The following PGF variants were observed in gnomAD, a reference collection of about 807,000 sequenced individuals.
The protein encoded by PGF is placenta growth factor.
Under a neutral mutation model 25.3 loss-of-function variants are expected in PGF, and 11 were observed. That is an observed-to-expected ratio of 0.43 (90% CI 0.27 to 0.72). The LOEUF (loss-of-function observed/expected upper bound fraction) is 0.72, where lower values mean the gene tolerates loss of function less well. PGF is among the 30% of genes least tolerant of loss of function. The pLI, the probability that PGF is intolerant of heterozygous loss-of-function variation, is 0.18. For missense variants in PGF, 230 were observed against 234.9 expected, an observed-to-expected ratio of 0.98 and a Z score of 0.14; for synonymous variants, 105 against 97.9, an observed-to-expected ratio of 1.07 and a Z score of -0.43.
Position 74,953,522 on chromosome 14 carries a change from T to G in PGF, c.118+382A>C, listed in dbSNP as rs749110851. On this transcript the variant is annotated intron_variant, in intron 2 of 6. Transcript: ENST00000555567. The surrounding 1 kb of genome is among the most constrained non-coding windows in gnomAD (Gnocchi z 5.4). Reference sequence around the variant, plus strand: ...GGGAGGGCCCCTCACCCATTCCTGATCCTCTTGACTGCCCACTGCATTCAG... The same window carrying G: ...GGGAGGGCCCCTCACCCATTCCTGAGCCTCTTGACTGCCCACTGCATTCAG... Among the ~76,000 whole-genome samples, 7 of 152,020 alleles carry G rather than the reference T, an allele frequency of 4.6e-5. No individual in the cohort carries two copies. Among genetic ancestry groups the G allele is most frequent in the Non-Finnish European group, 7.4e-5 (5 of 67,978 alleles).
At position 74,949,471 on chromosome 14, in the gene PGF, G is replaced by A. The variant is rs182964987; in HGVS notation, c.201C>T (p.Ser67=). The A allele has an allele frequency of 1.3e-5, 21 of 1,612,044 alleles. No homozygotes were observed. The highest frequency in any genetic ancestry group is 1.1e-4 in the East Asian group (5 of 44,736). Residue 67 remains serine, a synonymous_variant, in exon 3 of 7, where the codon AGC becomes AGT. Coordinates refer to ENST00000555567, the MANE Select transcript of PGF (RefSeq NM_002632.6). The part of the protein sequence containing the change: ...RLVDVVSEYP[S]EVEHMFSPSC... Reference sequence around the variant, plus strand: ...ATGGGCTGAACATGTGCTCCACCTCGCTGGGGTACTCGGACACGACGTCCA... The same window carrying A: ...ATGGGCTGAACATGTGCTCCACCTCACTGGGGTACTCGGACACGACGTCCA...
rs1015471429 is a variant in PGF at position 74,942,853 on chromosome 14, G to A, written c.486-120C>T. 6.4e-4 allele frequency: 538 copies of A among 843,922 alleles called. 1 individual carries two copies. The highest frequency in any genetic ancestry group is 1.4e-4 in the East Asian group (5 of 35,154). 52.3% of individuals were successfully genotyped at this position (843,922 alleles called of 1,614,324 possible). ...CTTGGGCAGGGAGCATGGGGAGGGCGCAGTGCTCCTGGGTCCCTGCTTGCT... is the reference window on the plus strand; with the variant it reads ...CTTGGGCAGGGAGCATGGGGAGGGCACAGTGCTCCTGGGTCCCTGCTTGCT... On this transcript the variant is annotated intron_variant, in intron 6 of 6. Coordinates refer to ENST00000555567, the MANE Select transcript of PGF (RefSeq NM_002632.6).
chr14:74,955,142 C>A lies in PGF; in HGVS notation c.75+26G>T. On this transcript the variant is annotated intron_variant, in intron 1 of 6. Coordinates refer to ENST00000555567, the MANE Select transcript of PGF (RefSeq NM_002632.6). The surrounding 1 kb of genome is among the most constrained non-coding windows in gnomAD (Gnocchi z 4.1). Reference sequence around the variant, plus strand: ...TGCTGGGATGGGGAGGTCTGGGGAGCCAGGCTAGGTGGGGGTAGCTCTTAC... The same window carrying A: ...TGCTGGGATGGGGAGGTCTGGGGAGACAGGCTAGGTGGGGGTAGCTCTTAC... 7.3e-7 allele frequency: 1 copy of A among 1,377,854 alleles called. No individual in the cohort carries two copies. The highest frequency in any genetic ancestry group is 3.0e-5 in the East Asian group (1 of 33,894). 85.4% of individuals were successfully genotyped at this position (1,377,854 alleles called of 1,614,324 possible). A position where few individuals can be genotyped will look rare whatever the true frequency, so the allele number is the denominator to read the frequency against.
rs774160441 is a variant in PGF, at chr14:74,949,515, G to A, written c.157C>T (p.Arg53Trp). The A allele has an allele frequency of 6.9e-6, 11 of 1,598,706 alleles. No homozygotes were observed. The highest frequency in any genetic ancestry group is 3.4e-5 in the South Asian group (3 of 88,716). ...FQEVWGRSYC[R>W]ALERLVDVVS... ...ACGTCCACCAGCCTCTCCAGCGCCC[G>A]GCAGTAGCTGCGGCCCCACACTTCC... The change falls in exon 3 of 7, where the codon CGG becomes TGG. Residue 53 changes from arginine to tryptophan, a missense_variant. Transcript: ENST00000555567.
At chr14:74,947,135 C>T (rs189082658) in intron 4 of PGF, 125 of 465,200 alleles carry the variant, frequency 2.7e-4, no homozygotes, top group Non-Finnish European at 4.4e-4. Context: ...GTACCAGGGC[C>T]TCTTGGGACT....
chr14:74,948,842 A>G (rs932089570), intron 3 of PGF, among the ~76,000 whole-genome samples: 3 of 152,096 alleles, frequency 2.0e-5, no homozygotes, highest in Admixed American at 2.0e-4. Flanking sequence ...AGTCAGAGAG[A>G]CCCGTGTTCA....
At position 74,950,023 on chromosome 14, in the gene PGF, G is replaced by C. The variant is rs553172916; in HGVS notation, c.119-470C>G. 6.6e-6 allele frequency among the ~76,000 whole-genome samples: 1 copy of C among 152,218 alleles called. No homozygotes were observed. Among genetic ancestry groups the C allele is most frequent in the African/African-American group, 2.4e-5 (1 of 41,540 alleles). On this transcript the variant is annotated intron_variant, in intron 2 of 6. Transcript: ENST00000555567. The surrounding 1 kb of genome is among the most constrained non-coding windows in gnomAD (Gnocchi z 4.1). Reference sequence around the variant, plus strand: ...TCATTTCCTGCCCCACTCTGTGCCAGCTCCTCTGCCTGGCAACCAAGACCA... The same window carrying C: ...TCATTTCCTGCCCCACTCTGTGCCACCTCCTCTGCCTGGCAACCAAGACCA...
In PGF at chr14:74,946,243, C is replaced by T; in HGVS notation, c.455G>A (p.Arg152Lys). 6.2e-7 allele frequency: 1 copy of T among 1,614,172 alleles called. No homozygotes were observed. The part of the protein sequence containing the change: ...RRPKGRGKRR[R>K]EKQRPTDCHL... ...GCAGTCTGTGGGTCTCTGCTTCTCTCTCCTCCTCTTCCCCCTGCCCTTGGG... is the reference window on the plus strand; with the variant it reads ...GCAGTCTGTGGGTCTCTGCTTCTCTTTCCTCCTCTTCCCCCTGCCCTTGGG... The change falls in exon 6 of 7, where the codon AGA becomes AAA. Residue 152 changes from arginine to lysine, a missense_variant. Physicochemically the swap from Arg to Lys is conservative, Grantham distance 26. Coordinates refer to ENST00000555567, the MANE Select transcript of PGF (RefSeq NM_002632.6).
intron 6 of PGF, 86 bp from the exon 7 acceptor site, chr14:74,942,819 G>A: frequency 7.5e-7 from 1 of 1,325,992 alleles, no homozygotes; most frequent in Non-Finnish European, 1.0e-6. Flanking sequence ...GGCAGGCCCA[G>A]AGGAGGAGCT....
chr14:74,955,263 A>AG lies in PGF; in HGVS notation c.-22dup. The AG allele has an allele frequency of 2.1e-6, 3 of 1,413,698 alleles. No individual in the cohort carries two copies. The highest frequency in any genetic ancestry group is 2.6e-5 in the Admixed American group (1 of 38,530). 87.6% of individuals were successfully genotyped at this position (1,413,698 alleles called of 1,614,324 possible). A position where few individuals can be genotyped will look rare whatever the true frequency, so the allele number is the denominator to read the frequency against. ...GGCATCTTCTCAGACGTCCCGAGCC[A>AG]GGGGGCTCCGAGGGAAAACCACCAT... On this transcript the variant is annotated 5_prime_UTR_variant, in exon 1 of 7. It removes the in-frame stop codon of an upstream open reading frame in the 5' UTR. Transcript: ENST00000555567. This position sits in a 1 kb window ranked among gnomAD's most constrained non-coding sequence, Gnocchi z 4.1.
Position 74,942,741 on chromosome 14 carries a change from A to T in PGF, c.486-8T>A. On this transcript the variant is annotated splice_polypyrimidine_tract_variant and splice_region_variant and intron_variant, in intron 6 of 6. Transcript: ENST00000555567. ...GGAACAGCATCGCCGCACCTGCCAG[A>T]GACCAAGCACAGACGGGGCGGGTAT... 1 of 1,609,828 alleles carries T rather than the reference A, an allele frequency of 6.2e-7. No individual in the cohort carries two copies. The highest frequency in any genetic ancestry group is 8.5e-7 in the Non-Finnish European group (1 of 1,178,390).
chr14:74,948,695 A>T, intron 3 of PGF, 112 bp from the exon 4 acceptor site: 1 of 616,974 alleles, frequency 1.6e-6, no homozygotes, highest in Non-Finnish European at 2.8e-6. Context: ...TAGCCTGTGG[A>T]CTACAGGCCC....
At chr14:74,944,047 G>A (rs1371780017) in intron 6 of PGF, among the ~76,000 whole-genome samples, 2 of 145,428 alleles carry the variant, frequency 1.4e-5, no homozygotes, top group Non-Finnish European at 3.0e-5. Flanking sequence ...AAGAAACAAT[G>A]TAAATATATA....
chr14:74,946,465 C>T, intron 4 of PGF, 57 bp from the exon 5 acceptor site: 1 of 1,535,820 alleles, frequency 6.5e-7, no homozygotes, highest in Non-Finnish European at 8.8e-7. Flanking sequence ...ATAAGTGGGG[C>T]TCCCTGCCGC....
chr14:74,952,850 AT>A (rs1888903355), intron 2 of PGF, among the ~76,000 whole-genome samples: 1 of 152,228 alleles, frequency 6.6e-6, no homozygotes, highest in South Asian at 2.1e-4. Context: ...CATAGACATC[AT>A]GTAGCCAAGG....
At chr14:74,942,806 G>GGGGGCAGGCCCAGAGGAGGAGCT in intron 6 of PGF, 73 bp from the exon 7 acceptor site, 1 of 1,454,164 alleles carries the variant, frequency 6.9e-7, no homozygotes, top group Non-Finnish European at 9.4e-7. Flanking sequence ...CTATGGAGGA[G>GGGGGCAGGCCCAGAGGAGGAGCT]GGGGCAGGCC....
rs11542848 is a variant in PGF, at chr14:74,955,472, C to G, written c.-230G>C. 2 of 388,578 alleles carry G rather than the reference C, an allele frequency of 5.1e-6. No homozygotes were observed. The allele number at this position is 388,578 out of a possible 1,614,324, so 24.1% of individuals were successfully genotyped here. ...CCCGACGGGGAGCGGCCCGGCGGGG[C>G]GGGGCGCCGAGGGGCAGGCGGGTCC... On this transcript the variant is annotated 5_prime_UTR_variant, in exon 1 of 7. Coordinates refer to ENST00000555567, the MANE Select transcript of PGF (RefSeq NM_002632.6). This position sits in a 1 kb window ranked among gnomAD's most constrained non-coding sequence, Gnocchi z 4.1.
chr14:74,946,164 T>C (rs1420546076), intron 6 of PGF, 49 bp downstream of exon 6: 1 of 1,569,550 alleles, frequency 6.4e-7, no homozygotes, highest in Admixed American at 1.7e-5. Context: ...AAGGCGGGGC[T>C]CCCCTCGGGC....
chr14:74,951,257 C>T (rs1888864939), intron 2 of PGF, among the ~76,000 whole-genome samples: 1 of 152,138 alleles, frequency 6.6e-6, no homozygotes. Flanking sequence ...CCTCCTCTGA[C>T]TCTACCACTC....
Sources: gnomAD v4.1 joint callset for allele counts (sites outside exome capture counted in the v4.1 genomes callset) on GRCh38, gnomAD v4.1.1 for gene constraint, Gnocchi (gnomAD v3.1) non-coding constraint, MANE v1.5 for transcripts, NCBI Gene and HGNC (gene_info 2026-07-23, HGNC 2026-07-21) for gene names.